ZNF469: variants seen among roughly 807,000 people sequenced by gnomAD.
ZNF469 encodes zinc finger protein 469.
In ZNF469, 1 loss-of-function variant was observed where a neutral mutation model predicts 1.0. That is an observed-to-expected ratio of 1.00 (90% CI 0.35 to 4.73). The LOEUF (loss-of-function observed/expected upper bound fraction) is 4.73, where lower values mean the gene tolerates loss of function less well. Among genes scored for constraint, ZNF469 ranks in the 30% most tolerant of loss-of-function variants. The probability of loss-of-function intolerance (pLI) is 0.16; values close to 1 mark genes in which losing one functional copy is unlikely to be tolerated. For synonymous variants in ZNF469, 2,703 were observed against 2,363.4 expected (o/e 1.14, Z -4.17); for missense variants, 6,100 against 5,356.3 (o/e 1.14, Z -4.33).
chr16:88,316,649 C>T, the ZNF469 span, among the ~76,000 whole-genome samples: 1 of 143,432 alleles, frequency 7.0e-6, no homozygotes, highest in Non-Finnish European at 1.5e-5. Flanking sequence ...GGGGTTCAAG[C>T]GATTCTCCTG....
chr16:88,152,411 A>G, the ZNF469 span, among the ~76,000 whole-genome samples: 182 of 152,196 alleles, frequency 1.2e-3, no homozygotes, highest in African/African-American at 4.1e-3. This position sits in a 1 kb window ranked among gnomAD's most constrained non-coding sequence, Gnocchi z 4.2. Context: ...TTTTCCGTCT[A>G]TGGTGCTGGC....
At chr16:88,161,188 T>A in the ZNF469 span, among the ~76,000 whole-genome samples, 1 of 151,772 alleles carries the variant, frequency 6.6e-6, no homozygotes, top group East Asian at 1.9e-4. Flanking sequence ...CTTTATTAAT[T>A]CCATTGAAAA....
intron 1 of ZNF469, among the ~76,000 whole-genome samples, chr16:88,387,674 G>A (rs544379753): frequency 2.8e-4 from 43 of 152,268 alleles, no homozygotes; most frequent in South Asian, 1.0e-3. Context: ...CCAAATATAA[G>A]CTGTTTTTGA....
the ZNF469 span, among the ~76,000 whole-genome samples, chr16:88,346,270 G>A: frequency 3.2e-4 from 48 of 152,312 alleles, no homozygotes; most frequent in Middle Eastern, 3.4e-3. Context: ...TCTCTGGCCC[G>A]TTCATCTCGG....
the ZNF469 span, among the ~76,000 whole-genome samples, chr16:88,144,355 G>C: frequency 6.6e-6 from 1 of 152,210 alleles, no homozygotes; most frequent in Non-Finnish European, 1.5e-5. Context: ...ACAGGACTCT[G>C]CCTGGCGTCA....
the ZNF469 span, among the ~76,000 whole-genome samples, chr16:88,292,350 T>C: frequency 6.6e-6 from 1 of 152,022 alleles, no homozygotes. Flanking sequence ...GCCGGGACAT[T>C]GGGTAGCAGG....
At chr16:88,382,957 G>A (rs1189415147), upstream of ZNF469, among the ~76,000 whole-genome samples, 1 of 151,780 alleles carries the variant, frequency 6.6e-6, no homozygotes, top group South Asian at 2.1e-4. Context: ...CCTCCGGGGG[G>A]CAGACCCCGC....
intron 1 of ZNF469, among the ~76,000 whole-genome samples, chr16:88,406,107 C>G (rs1282399603): frequency 1.3e-5 from 2 of 152,254 alleles, no homozygotes; most frequent in African/African-American, 2.4e-5. Context: ...ACCACGCCAC[C>G]ACGAGCCACC....
At chr16:88,313,682 G>C in the ZNF469 span, among the ~76,000 whole-genome samples, 1 of 152,198 alleles carries the variant, frequency 6.6e-6, no homozygotes, top group Non-Finnish European at 1.5e-5. Flanking sequence ...TTAAGACAAT[G>C]CTGGTGTAGA....
the ZNF469 span, among the ~76,000 whole-genome samples, chr16:88,230,199 G>C: frequency 2.0e-5 from 3 of 152,252 alleles, no homozygotes; most frequent in Admixed American, 2.0e-4. Flanking sequence ...GGTTTTCCCA[G>C]AAATTCCAAG....
chr16:88,133,678 C>A, the ZNF469 span, among the ~76,000 whole-genome samples: 4 of 151,050 alleles, frequency 2.6e-5, no homozygotes, highest in African/African-American at 7.3e-5. Flanking sequence ...TAAATAAAAT[C>A]AAATAATTAT....
the ZNF469 span, among the ~76,000 whole-genome samples, chr16:88,136,384 CA>C: frequency 6.6e-6 from 1 of 152,256 alleles, no homozygotes. Context: ...TCAAGGCATG[CA>C]GCTGTCCTGA....
At chr16:88,188,822 C>A in the ZNF469 span, among the ~76,000 whole-genome samples, 2 of 152,156 alleles carry the variant, frequency 1.3e-5, no homozygotes, top group Non-Finnish European at 2.9e-5. Context: ...CCGGGGGCAC[C>A]TCTCTGTGGA....
chr16:88,167,454 G>A, the ZNF469 span, among the ~76,000 whole-genome samples: 1 of 152,146 alleles, frequency 6.6e-6, no homozygotes, highest in Non-Finnish European at 1.5e-5. Flanking sequence ...TGCTGACACC[G>A]ACCACGTCCA....
the ZNF469 span, among the ~76,000 whole-genome samples, chr16:88,188,098 A>G: frequency 6.6e-6 from 1 of 152,070 alleles, no homozygotes; most frequent in Admixed American, 6.5e-5. Context: ...TTTCCAAGCA[A>G]ACAACGAACT....
At chr16:88,241,677 C>G in the ZNF469 span, among the ~76,000 whole-genome samples, 2 of 152,216 alleles carry the variant, frequency 1.3e-5, no homozygotes, top group South Asian at 2.1e-4. The surrounding 1 kb of genome is among the most constrained non-coding windows in gnomAD (Gnocchi z 4.8). Flanking sequence ...ATGTCATCAC[C>G]TTGTACCCCT....
chr16:88,402,898 G>A, intron 1 of ZNF469, among the ~76,000 whole-genome samples: 1 of 152,152 alleles, frequency 6.6e-6, no homozygotes. Flanking sequence ...GCTTTCCCTG[G>A]GCTCTGCTGA....
the ZNF469 span, among the ~76,000 whole-genome samples, chr16:88,261,553 G>A: frequency 6.6e-6 from 1 of 152,208 alleles, no homozygotes; most frequent in Non-Finnish European, 1.5e-5. This position sits in a 1 kb window ranked among gnomAD's most constrained non-coding sequence, Gnocchi z 6.0. Flanking sequence ...GGAAGTATGA[G>A]CCTGTCCTCT....
chr16:88,358,891 C>A, the ZNF469 span, among the ~76,000 whole-genome samples: 1 of 152,128 alleles, frequency 6.6e-6, no homozygotes, highest in South Asian at 2.1e-4. Context: ...GCTAGCCTCA[C>A]CTTTTCTTGT....
Sources: gnomAD v4.1 joint callset for allele counts (sites outside exome capture counted in the v4.1 genomes callset) on GRCh38, gnomAD v4.1.1 for gene constraint, Gnocchi (gnomAD v3.1) non-coding constraint, MANE v1.5 for transcripts, NCBI Gene and HGNC (gene_info 2026-07-23, HGNC 2026-07-21) for gene names.